CALN1: variants seen among roughly 807,000 people sequenced by gnomAD.
The protein encoded by CALN1 is calcium-binding protein 8.
CALN1 carries 17 observed loss-of-function variants against 30.6 expected under a neutral mutation model. The ratio of observed to expected loss-of-function variants is 0.56; its 90% confidence interval spans 0.38 to 0.83. CALN1 has a LOEUF of 0.83. Among genes scored for constraint, CALN1 ranks in the 40% least tolerant of loss-of-function variants. The probability of loss-of-function intolerance (pLI) is 0.00; values close to 1 mark genes in which losing one functional copy is unlikely to be tolerated. For missense variants in CALN1, 291 were observed against 354.9 expected (o/e 0.82, Z 1.45); for synonymous variants, 156 against 131.4 (o/e 1.19, Z -1.28).
chr7:72,379,929 T>C (rs1236939828), intron 2 of CALN1, among the ~76,000 whole-genome samples: 1 of 152,154 alleles, frequency 6.6e-6, no homozygotes, highest in Non-Finnish European at 1.5e-5. Context: ...TCCCACTCAC[T>C]CAACTTCACT....
chr7:72,127,879 T>C (rs764340272), intron 3 of CALN1, among the ~76,000 whole-genome samples: 16 of 152,160 alleles, frequency 1.1e-4, no homozygotes, highest in Non-Finnish European at 2.2e-4. Flanking sequence ...AATTTAATTA[T>C]GAGAAATATG....
rs559020333 is a variant in CALN1 at position 71,923,835 on chromosome 7, T to C, written c.501+99822A>G. 2.6e-5 allele frequency among the ~76,000 whole-genome samples: 4 copies of C among 152,252 alleles called. No individual in the cohort carries two copies. The East Asian group carries it at 7.7e-4, about 29-fold the overall frequency. ...GTGGCCCCCACTAACATTTGATTTT[T>C]AAAATGTCACCCATGTTAGCATGGC... On this transcript the variant is annotated intron_variant, in intron 5 of 6. Coordinates refer to ENST00000395275, the MANE Select transcript of CALN1 (RefSeq NM_031468.4).
At chr7:72,097,674 A>G (rs1206886132) in intron 4 of CALN1, among the ~76,000 whole-genome samples, 2 of 150,896 alleles carry the variant, frequency 1.3e-5, no homozygotes, top group Admixed American at 1.3e-4. Context: ...ATTAAACAGA[A>G]TACAGCTTTG....
chr7:72,454,160 T>C, the CALN1 span, among the ~76,000 whole-genome samples: 9 of 152,102 alleles, frequency 5.9e-5, no homozygotes, highest in African/African-American at 1.2e-4. Context: ...TGTTAGGGAA[T>C]TGGAAGGCCT....
At position 72,359,976 on chromosome 7, in the gene CALN1, C is replaced by CAAAAAAAAAA. The variant is rs750054515; in HGVS notation, c.119+43265_119+43274dup. Among the ~76,000 whole-genome samples the CAAAAAAAAAA allele has an allele frequency of 1.4e-3, 90 of 63,930 alleles. 8 individuals are homozygous for CAAAAAAAAAA. The highest frequency in any genetic ancestry group is 2.1e-3 in the African/African-American group (24 of 11,668). The allele number at this position is 63,930 out of a possible 152,430, so 41.9% of individuals were successfully genotyped here. A position where few individuals can be genotyped will look rare whatever the true frequency, so the allele number is the denominator to read the frequency against. ...TGGGTGACAGAGTGAGACTCCATCT[C>CAAAAAAAAAA]AAAAAAAAAAAAAAACCAAAGTTGA... On this transcript the variant is annotated intron_variant, in intron 2 of 6. Transcript: ENST00000395275.
At chr7:71,910,170 C>A (rs1210091291) in intron 5 of CALN1, among the ~76,000 whole-genome samples, 2 of 152,182 alleles carry the variant, frequency 1.3e-5, no homozygotes, top group African/African-American at 2.4e-5. Flanking sequence ...GATGGGGACA[C>A]AGCCAAACTG....
At chr7:71,985,594 T>TC (rs1798627427) in intron 5 of CALN1, among the ~76,000 whole-genome samples, 1 of 146,366 alleles carries the variant, frequency 6.8e-6, no homozygotes, top group African/African-American at 2.5e-5. Context: ...CTTTTTTTTT[T>TC]TTTTTTTTTT....
rs983237120 is a variant in CALN1 at position 72,425,276 on chromosome 7, G to C, written c.-225-13001C>G. 2.0e-5 allele frequency among the ~76,000 whole-genome samples: 3 copies of C among 152,134 alleles called. No homozygotes were observed. The South Asian group carries it at 6.2e-4, about 32-fold the overall frequency. On this transcript the variant is annotated intron_variant, in intron 1 of 6. Coordinates refer to the CALN1 transcript ENST00000395276. ...TTACAGGCACGTGCCACCACACCCA[G>C]CTAATTTTTGTACTTTTAGTAGAGA... is the stretch of plus-strand genomic sequence containing the variant.
chr7:71,836,195 G>A (rs145045060), intron 5 of CALN1, among the ~76,000 whole-genome samples: 7 of 152,302 alleles, frequency 4.6e-5, no homozygotes, highest in East Asian at 1.9e-4. Context: ...GCCTACCTGC[G>A]GATCCTGGAA....
chr7:72,072,925 ATAATT>A (rs1804500127), intron 4 of CALN1, among the ~76,000 whole-genome samples: 1 of 151,912 alleles, frequency 6.6e-6, no homozygotes, highest in Non-Finnish European at 1.5e-5. Flanking sequence ...AAATGAGAAA[ATAATT>A]TAAATATTTC....
intron 3 of CALN1, among the ~76,000 whole-genome samples, chr7:72,195,833 T>C (rs1790949567): frequency 6.6e-6 from 1 of 152,200 alleles, no homozygotes; most frequent in African/African-American, 2.4e-5. Flanking sequence ...TGTCATTATT[T>C]AGTCCACGAA....
chr7:72,046,541 G>A (rs1802480807), intron 4 of CALN1, among the ~76,000 whole-genome samples: 3 of 151,624 alleles, frequency 2.0e-5, no homozygotes, highest in Middle Eastern at 3.4e-3. Flanking sequence ...GTGAAACCCC[G>A]TCTCTACTAA....
chr7:71,818,987 C>G (rs1376038676), intron 5 of CALN1, among the ~76,000 whole-genome samples: 2 of 151,620 alleles, frequency 1.3e-5, no homozygotes, highest in African/African-American at 4.8e-5. Flanking sequence ...GGATTACAGG[C>G]GTGAGCCACA....
intron 2 of CALN1, among the ~76,000 whole-genome samples, chr7:72,375,399 C>CA (rs1016336589): frequency 1.7e-4 from 25 of 151,244 alleles, no homozygotes; most frequent in Admixed American, 1.5e-3. Flanking sequence ...CCTGGCTCTG[C>CA]AAAAAAATAA....
At position 71,956,491 on chromosome 7, in the gene CALN1, CT is replaced by C. The variant is rs11414863; in HGVS notation, c.501+67165del. Reference sequence around the variant, plus strand: ...ATTATTATTATTTTTGTTCTGATAACTTTTTTTTTTTTTTAAACAGAGGGAG... The same window carrying C: ...ATTATTATTATTTTTGTTCTGATAACTTTTTTTTTTTTTAAACAGAGGGAG... On this transcript the variant is annotated intron_variant, in intron 5 of 6. Transcript: ENST00000395275. Among the ~76,000 whole-genome samples the C allele has an allele frequency of 5.4e-3, 766 of 140,970 alleles. 6 individuals carry two copies. The highest frequency in any genetic ancestry group is 0.016 in the African/African-American group (611 of 38,116). The allele number at this position is 140,970 out of a possible 152,430, so 92.5% of individuals were successfully genotyped here.
chr7:72,471,141 A>T, the CALN1 span, among the ~76,000 whole-genome samples: 1 of 152,102 alleles, frequency 6.6e-6, no homozygotes, highest in Non-Finnish European at 1.5e-5. Flanking sequence ...TTTTGCAGAG[A>T]TGGGGTCTTG....
chr7:71,788,216 G>A (rs529834580), intron 6 of CALN1, among the ~76,000 whole-genome samples: 10 of 152,238 alleles, frequency 6.6e-5, no homozygotes, highest in East Asian at 5.8e-4. Context: ...TTCAGAGCCC[G>A]GAAATATGGG....
intron 5 of CALN1, among the ~76,000 whole-genome samples, chr7:71,987,678 A>C (rs1050215809): frequency 1.3e-5 from 2 of 152,178 alleles, no homozygotes; most frequent in Admixed American, 6.5e-5. Context: ...GTCCTCAGGG[A>C]GAAGTGGAGT....
At chr7:72,135,513 G>A (rs1457087031) in intron 3 of CALN1, among the ~76,000 whole-genome samples, 1 of 152,186 alleles carries the variant, frequency 6.6e-6, no homozygotes, top group African/African-American at 2.4e-5. Context: ...CATTGTCAAT[G>A]AGCAGGAATA....
Sources: allele counts gnomAD v4.1 joint callset (sites outside exome capture counted in the v4.1 genomes callset), GRCh38; gene constraint gnomAD v4.1.1; transcripts MANE v1.5; gene names NCBI Gene and HGNC (gene_info 2026-07-23, HGNC 2026-07-21).